The following DCDC2C variants were observed in gnomAD, a reference collection of about 807,000 sequenced individuals.
The protein encoded by DCDC2C is doublecortin domain-containing protein 2C.
Under a neutral mutation model 45.0 loss-of-function variants are expected in DCDC2C, and 44 were observed. The observed-to-expected ratio is 0.98, with a 90% CI of 0.77 to 1.26. The LOEUF is 1.26. DCDC2C is among the 50% of genes most tolerant of loss of function. DCDC2C has a pLI of 0.00. For synonymous variants in DCDC2C, 187 were observed against 178.8 expected, an observed-to-expected ratio of 1.05 and a Z score of -0.37; for missense variants, 447 against 468.9, an observed-to-expected ratio of 0.95 and a Z score of 0.43.
chr2:3,752,682 C>T (rs1669577360), intron 4 of DCDC2C, 81 bp from the exon 5 acceptor site: 1 of 1,461,980 alleles, frequency 6.8e-7, no homozygotes, highest in Non-Finnish European at 9.4e-7. Context: ...CTAGTCATGT[C>T]ATAGTGTATG....
At chr2:3,784,558 TATATTAATATAACAA>T (rs1354226179) in intron 9 of DCDC2C, among the ~76,000 whole-genome samples, 1 of 151,914 alleles carries the variant, frequency 6.6e-6, no homozygotes, top group African/African-American at 2.4e-5. Flanking sequence ...CCTATGCAGT[TATATTAATATAACAA>T]ATATTAATAT....
chr2:3,809,058 A>G (rs1474007535), intron 10 of DCDC2C, among the ~76,000 whole-genome samples: 1 of 152,010 alleles, frequency 6.6e-6, no homozygotes, highest in African/African-American at 2.4e-5. Context: ...AGCTAACCAT[A>G]TTTGTGTTGG....
At chr2:3,808,032 A>G (rs1402327593) in intron 10 of DCDC2C, among the ~76,000 whole-genome samples, 1 of 152,202 alleles carries the variant, frequency 6.6e-6, no homozygotes, top group African/African-American at 2.4e-5. Context: ...AAGGTTGTGT[A>G]ATACCTAAGA....
At chr2:3,804,158 A>C (rs746188410) in intron 10 of DCDC2C, among the ~76,000 whole-genome samples, 6 of 149,726 alleles carry the variant, frequency 4.0e-5, no homozygotes, top group Admixed American at 1.3e-4. Flanking sequence ...AGTGACGCTG[A>C]CCTGCAGAGC....
intron 10 of DCDC2C, among the ~76,000 whole-genome samples, chr2:3,819,706 T>C (rs569339743): frequency 6.6e-5 from 10 of 152,336 alleles, no homozygotes; most frequent in Admixed American, 2.6e-4. Context: ...GCTGGGTTTT[T>C]ATATTTGATG....
intron 10 of DCDC2C, among the ~76,000 whole-genome samples, chr2:3,832,914 C>G (rs1273978200): frequency 6.6e-6 from 1 of 152,198 alleles, no homozygotes; most frequent in Non-Finnish European, 1.5e-5. Flanking sequence ...TGGCTTAAAA[C>G]AGCACAAGGT....
chr2:3,774,744 G>C (rs1670282500), intron 8 of DCDC2C, among the ~76,000 whole-genome samples: 1 of 151,702 alleles, frequency 6.6e-6, no homozygotes, highest in South Asian at 2.1e-4. Flanking sequence ...TGTATGAATA[G>C]TATTTGAAAA....
intron 1 of DCDC2C, chr2:3,704,240 C>G (rs1416563619): frequency 2.8e-5 from 12 of 435,014 alleles, no homozygotes; most frequent in Admixed American, 8.9e-5. Context: ...CGAGGCAGCC[C>G]CGCCCCCAGG....
intron 10 of DCDC2C, among the ~76,000 whole-genome samples, chr2:3,814,264 A>G (rs1400731920): frequency 6.6e-6 from 1 of 152,026 alleles, no homozygotes; most frequent in Non-Finnish European, 1.5e-5. Context: ...TCCTTATTTT[A>G]GCAAGGTGGT....
chr2:3,738,238 C>T (rs983980874), intron 3 of DCDC2C, among the ~76,000 whole-genome samples: 9 of 152,160 alleles, frequency 5.9e-5, no homozygotes, highest in South Asian at 2.1e-4. Context: ...TTCACATTAA[C>T]GGCAGATTGG....
At chr2:3,847,103 G>A (rs1672353402) in intron 10 of DCDC2C, 51 bp from the exon 11 acceptor site, 1 of 1,151,720 alleles carries the variant, frequency 8.7e-7, no homozygotes, top group Admixed American at 4.6e-5. Context: ...ACTGTGGCCA[G>A]ATCACAGCTT....
At chr2:3,787,050 C>G (rs531059074) in intron 10 of DCDC2C, among the ~76,000 whole-genome samples, 7 of 152,280 alleles carry the variant, frequency 4.6e-5, no homozygotes, top group Non-Finnish European at 8.8e-5. Context: ...TCAGTGTAAT[C>G]CATTTGTTAT....
At chr2:3,828,520 C>A (rs1291943287) in intron 10 of DCDC2C, among the ~76,000 whole-genome samples, 1 of 152,212 alleles carries the variant, frequency 6.6e-6, no homozygotes, top group Non-Finnish European at 1.5e-5. Context: ...CCAATTACAG[C>A]CTTCAAAGTC....
chr2:3,830,697 T>C (rs1017893345), intron 10 of DCDC2C, among the ~76,000 whole-genome samples: 4 of 152,096 alleles, frequency 2.6e-5, no homozygotes, highest in Non-Finnish European at 5.9e-5. Context: ...GGCTTAGTGG[T>C]CCATTTGGGC....
intron 10 of DCDC2C, among the ~76,000 whole-genome samples, chr2:3,800,670 C>T (rs1237516672): frequency 1.6e-5 from 2 of 124,506 alleles, no homozygotes; most frequent in African/African-American, 5.1e-5. Flanking sequence ...ATGAGTTCTT[C>T]TCATTTCCTT....
intron 4 of DCDC2C, among the ~76,000 whole-genome samples, chr2:3,744,197 A>T (rs1249240735): frequency 1.3e-5 from 2 of 152,122 alleles, no homozygotes; most frequent in Non-Finnish European, 2.9e-5. Flanking sequence ...TGGGGATGAG[A>T]GAGGAGAAGG....
chr2:3,727,060 C>G lies in DCDC2C; in HGVS notation c.397C>G (p.Arg133Gly). The G allele has an allele frequency of 6.5e-7, 1 of 1,549,954 alleles. No individual in the cohort carries two copies. Among genetic ancestry groups the G allele is most frequent in the Non-Finnish European group, 8.7e-7 (1 of 1,146,584 alleles). Residue 133 changes from arginine to glycine, a missense_variant, in exon 3 of 11, where the codon CGT becomes GGT. Physicochemically the swap from Arg to Gly is moderately radical, Grantham distance 125. Transcript: ENST00000399143. ...NVPSKWQTYH[R>G]ISRHINVFTN... ...GCCTTCCAAGTGGCAAACATATCAT[C>G]GTATATCTCGACATATAAAGTGAGT...
At chr2:3,766,981 T>C (rs982767128) in intron 6 of DCDC2C, among the ~76,000 whole-genome samples, 8 of 152,230 alleles carry the variant, frequency 5.3e-5, no homozygotes, top group African/African-American at 1.7e-4. Context: ...CACAGCTCCC[T>C]GTCAGCCACA....
chr2:3,784,338 C>CT (rs1670592831), intron 9 of DCDC2C, among the ~76,000 whole-genome samples: 2 of 152,088 alleles, frequency 1.3e-5, no homozygotes, highest in African/African-American at 2.4e-5. Context: ...TAAATCTGCA[C>CT]TTTTTTTAAA....
Sources: gnomAD v4.1 joint callset for allele counts (sites outside exome capture counted in the v4.1 genomes callset) on GRCh38, gnomAD v4.1.1 for gene constraint, MANE v1.5 for transcripts, NCBI Gene and HGNC (gene_info 2026-07-23, HGNC 2026-07-21) for gene names.